ZBTB11: variants seen among roughly 807,000 people sequenced by gnomAD.
ZBTB11 encodes the protein zinc finger and BTB domain-containing protein 11.
ZBTB11 carries 68 observed loss-of-function variants against 113.1 expected under a neutral mutation model. That is an observed-to-expected ratio of 0.60 (90% CI 0.49 to 0.74). The LOEUF is 0.74. Among genes scored for constraint, ZBTB11 ranks in the 30% least tolerant of loss-of-function variants. ZBTB11 has a pLI of 0.00. For missense variants in ZBTB11, 1,104 were observed against 1,279.4 expected (o/e 0.86, Z 2.09); for synonymous variants, 518 against 452.6 (o/e 1.14, Z -1.83).
chr3:101,672,220 T>A lies in ZBTB11; in HGVS notation c.311-7A>T. 6.3e-7 allele frequency: 1 copy of A among 1,575,496 alleles called. No homozygotes were observed. The highest frequency in any genetic ancestry group is 8.6e-7 in the Non-Finnish European group (1 of 1,157,256). On this transcript the variant is annotated splice_polypyrimidine_tract_variant and splice_region_variant and intron_variant, in intron 1 of 10. Coordinates refer to ENST00000312938, the MANE Select transcript of ZBTB11 (RefSeq NM_014415.4). Reference sequence around the variant, plus strand: ...TTGACTTGCTTCAATATACCTACAATGAAAATATTAACAAGTCAAATTTAA... The same window carrying A: ...TTGACTTGCTTCAATATACCTACAAAGAAAATATTAACAAGTCAAATTTAA...
Position 101,651,685 on chromosome 3 carries a change from T to TAACA in ZBTB11, c.2645-3_2645-2insTGTT. On this transcript the variant is annotated splice_region_variant and splice_polypyrimidine_tract_variant and intron_variant, in intron 10 of 10. Transcript: ENST00000312938. Reference sequence around the variant, plus strand: ...TTAAGCACTCAAATGGCTTAACTCCTAAAAAAAAAAAAAAAAAAGCATGTG... The same window carrying TAACA: ...TTAAGCACTCAAATGGCTTAACTCCTAACAAAAAAAAAAAAAAAAAAAGCATGTG... 1 of 1,349,920 alleles carries TAACA rather than the reference T, an allele frequency of 7.4e-7. No individual in the cohort carries two copies. Among genetic ancestry groups the TAACA allele is most frequent in the Non-Finnish European group, 9.5e-7 (1 of 1,048,372 alleles). The allele number at this position is 1,349,920 out of a possible 1,614,324, so 83.6% of individuals were successfully genotyped here.
chr3:101,668,771 A>G (rs2108325874), intron 3 of ZBTB11, among the ~76,000 whole-genome samples: 1 of 152,298 alleles, frequency 6.6e-6, no homozygotes, highest in East Asian at 1.9e-4. Flanking sequence ...CACCATAAAT[A>G]TGTACAACTA....
intron 2 of ZBTB11, 43 bp from the exon 3 acceptor site, chr3:101,671,404 A>AT: frequency 6.9e-7 from 1 of 1,458,706 alleles, no homozygotes; most frequent in Admixed American, 1.7e-5. Flanking sequence ...TATTACCTGT[A>AT]TTTTTTACCC....
Position 101,649,852 on chromosome 3 carries a change from G to A in ZBTB11, c.*1314C>T, listed in dbSNP as rs557369721. ...CTTGTGCTTTAGGAATGATTTACAT[G>A]TGATCTGCTTATATCTTAATTTTAT... On this transcript the variant is annotated 3_prime_UTR_variant, in exon 11 of 11. Transcript: ENST00000312938. 9.8e-5 allele frequency: 15 copies of A among 152,666 alleles called. No homozygotes were observed. The highest frequency in any genetic ancestry group is 1.8e-4 in the Non-Finnish European group (12 of 68,006). The allele number at this position is 152,666 out of a possible 1,614,324, so 9.5% of individuals were successfully genotyped here.
intron 2 of ZBTB11, chr3:101,671,764 A>G (rs1937089843): frequency 1.7e-6 from 1 of 603,166 alleles, no homozygotes; most frequent in East Asian, 2.7e-5. Context: ...ATAATTAACA[A>G]CAAACCAACA....
At chr3:101,670,416 T>C (rs1004876684) in intron 3 of ZBTB11, among the ~76,000 whole-genome samples, 23 of 152,204 alleles carry the variant, frequency 1.5e-4, no homozygotes, top group African/African-American at 5.5e-4. Context: ...AATATATAAA[T>C]TCTAGTGAAG....
In ZBTB11 at chr3:101,659,925, T is replaced by C. The variant is rs564096262; in HGVS notation, c.1904A>G (p.Asn635Ser). The C allele has an allele frequency of 1.9e-6, 3 of 1,614,092 alleles. No individual in the cohort carries two copies. Among genetic ancestry groups the C allele is most frequent in the Non-Finnish European group, 2.5e-6 (3 of 1,180,046 alleles). ...CTCAGATGATGTTCCCGATGCTTCA[T>C]TAGACGTGGAATTGGACGAGGATGA... is the stretch of plus-strand genomic sequence containing the variant. The part of the protein sequence containing the change: ...PSSSSSNSTS[N>S]EASGTSSEKG... The change falls in exon 6 of 11, where the codon AAT becomes AGT. Residue 635 changes from asparagine (N) to serine (S), a missense_variant. Coordinates refer to ENST00000312938, the MANE Select transcript of ZBTB11 (RefSeq NM_014415.4).
intron 4 of ZBTB11, 92 bp from the exon 5 acceptor site, chr3:101,664,806 T>C: frequency 6.7e-7 from 1 of 1,481,728 alleles, no homozygotes; most frequent in South Asian, 1.4e-5. Context: ...AGATTTCAAA[T>C]TCACATTATC....
At chr3:101,652,372 G>T in intron 10 of ZBTB11, 124 bp downstream of exon 10, 1 of 959,816 alleles carries the variant, frequency 1.0e-6, no homozygotes, top group Non-Finnish European at 1.5e-6. Flanking sequence ...GATCACCTCT[G>T]TCATTTGAAT....
chr3:101,658,949 C>G (rs1936843072), intron 6 of ZBTB11, among the ~76,000 whole-genome samples: 1 of 152,142 alleles, frequency 6.6e-6, no homozygotes, highest in Non-Finnish European at 1.5e-5. Context: ...AATAAAAATA[C>G]TAAGTCAGGC....
chr3:101,654,248 C>T (rs897048326), intron 8 of ZBTB11, among the ~76,000 whole-genome samples: 1 of 152,140 alleles, frequency 6.6e-6, no homozygotes, highest in African/African-American at 2.4e-5. Context: ...GCCACGTTGG[C>T]CAGGCTGGTC....
In ZBTB11 at chr3:101,656,219, A is replaced by G. The variant is rs1559982592; in HGVS notation, c.2076T>C (p.His692=). 1 of 1,586,334 alleles carries G rather than the reference A, an allele frequency of 6.3e-7. No individual in the cohort carries two copies. The highest frequency in any genetic ancestry group is 8.6e-7 in the Non-Finnish European group (1 of 1,167,508). ...GAAGACTCTGATGTAATTTTAGACC[A>G]TGCTTATAGATAAAAGTCTTTCCAC... ...QVCGKTFIYK[H]GLKLHQSLHQ... The change falls in exon 7 of 11, where the codon CAT becomes CAC. Residue 692 remains histidine (H), a synonymous_variant. Transcript: ENST00000312938.
chr3:101,671,462 T>A (rs1937083895), intron 2 of ZBTB11, 101 bp from the exon 3 acceptor site: 1 of 807,220 alleles, frequency 1.2e-6, no homozygotes, highest in Admixed American at 2.4e-5. Context: ...TTTTACCAGG[T>A]ATGAATAATT....
At chr3:101,674,966 T>C (rs1039354766) in intron 1 of ZBTB11, among the ~76,000 whole-genome samples, 6 of 152,152 alleles carry the variant, frequency 3.9e-5, no homozygotes, top group South Asian at 2.1e-4. Context: ...GTAAAACAGA[T>C]AGAGGCTGAA....
At position 101,665,422 on chromosome 3, in the gene ZBTB11, A is replaced by G. The variant is rs1406965845; in HGVS notation, c.1165T>C (p.Ser389Pro). The change falls in exon 4 of 11, where the codon TCT becomes CCT. Residue 389 changes from serine (S) to proline (P), a missense_variant. By Grantham distance (74) the Ser-to-Pro change is moderately conservative. This residue lies in a region of ZBTB11 where 535 missense variants were observed against 518.6 expected (regional missense o/e 1.03). Transcript: ENST00000312938. The stretch of plus-strand genomic sequence containing the variant: ...GACAGGGCAGATTCAGCCTCTGAAG[A>G]AACCTGGGGCTCAGGCTGTCGTCCT... ...EVGRQPEPQVSSEAESALSSV... is the reference protein window; with the variant it reads ...EVGRQPEPQVPSEAESALSSV... 6.2e-7 allele frequency: 1 copy of G among 1,614,102 alleles called. No individual in the cohort carries two copies. The highest frequency in any genetic ancestry group is 1.3e-5 in the African/African-American group (1 of 74,928).
intron 6 of ZBTB11, among the ~76,000 whole-genome samples, chr3:101,659,295 C>G (rs1289346413): frequency 6.6e-6 from 1 of 152,156 alleles, no homozygotes; most frequent in South Asian, 2.1e-4. Flanking sequence ...GCTACAGGTG[C>G]TACTAGAAAT....
Position 101,651,150 on chromosome 3 carries a change from A to G in ZBTB11, c.*16T>C. ...TGTACAAGAGATGTCACTTCTTTTT[A>G]TCTTCATTAACATACTCATTCTCCT... On this transcript the variant is annotated 3_prime_UTR_variant, in exon 11 of 11. Transcript: ENST00000312938. 1 of 1,544,908 alleles carries G rather than the reference A, an allele frequency of 6.5e-7. No individual in the cohort carries two copies. The highest frequency in any genetic ancestry group is 2.0e-5 in the Admixed American group (1 of 48,970).
chr3:101,661,523 A>G (rs1936887666), intron 5 of ZBTB11, among the ~76,000 whole-genome samples: 1 of 152,242 alleles, frequency 6.6e-6, no homozygotes, highest in African/African-American at 2.4e-5. Context: ...GATTGGCTGT[A>G]AGAATTCAAG....
intron 5 of ZBTB11, among the ~76,000 whole-genome samples, chr3:101,662,942 C>CT (rs1180624432): frequency 0.057 from 7,911 of 139,344 alleles, 677 homozygotes; most frequent in African/African-American, 0.19. Context: ...TTTTGTATTT[C>CT]TTTTTTTTTT....
Sources: allele counts gnomAD v4.1 joint callset (sites outside exome capture counted in the v4.1 genomes callset), GRCh38; gene constraint gnomAD v4.1.1; regional missense constraint gnomAD v4.1.1; transcripts MANE v1.5; gene names NCBI Gene and HGNC (gene_info 2026-07-23, HGNC 2026-07-21).